Variants in YAF2 observed in about 807,000 individuals in gnomAD.
YAF2 encodes the protein YY1-associated factor 2.
A neutral mutation model predicts 20.1 loss-of-function variants in YAF2; 7 were observed. The observed-to-expected ratio is 0.35, with a 90% CI of 0.20 to 0.65. YAF2 has a LOEUF of 0.65. Ranked by LOEUF, YAF2 falls within the 30% of genes least tolerant of loss-of-function variation. The pLI, the probability that YAF2 is intolerant of heterozygous loss-of-function variation, is 0.69. For synonymous variants in YAF2, 74 were observed against 76.0 expected, an observed-to-expected ratio of 0.97 and a Z score of 0.14; for missense variants, 151 against 219.2, an observed-to-expected ratio of 0.69 and a Z score of 1.96.
Position 42,169,461 on chromosome 12 carries a change from T to G in YAF2, c.153-7696A>C, listed in dbSNP as rs145752353. 5.8e-3 allele frequency among the ~76,000 whole-genome samples: 876 copies of G among 152,278 alleles called. 31 individuals are homozygous for G. The East Asian group carries it at 0.078, about 14-fold the overall frequency. On this transcript the variant is annotated intron_variant, in intron 2 of 3. Transcript: ENST00000534854. Reference sequence around the variant, plus strand: ...GACATAGTCTCACTGTCCCCCAGGCTGGAGTGCATTGGCACAATCTCAGCT... The same window carrying G: ...GACATAGTCTCACTGTCCCCCAGGCGGGAGTGCATTGGCACAATCTCAGCT...
At chr12:42,235,565 C>G in intron 2 of YAF2, 1 of 1,391,518 alleles carries the variant, frequency 7.2e-7, no homozygotes, top group East Asian at 2.8e-5. Context: ...GAAGAGAATT[C>G]AGAGAGAGGA....
intron 2 of YAF2, among the ~76,000 whole-genome samples, chr12:42,221,712 C>T (rs1418950106): frequency 1.3e-5 from 2 of 152,162 alleles, no homozygotes; most frequent in Non-Finnish European, 2.9e-5. Flanking sequence ...ATAGAAAAGA[C>T]CTCACCCAGC....
chr12:42,198,987 A>T, intron 2 of YAF2: 1 of 370,354 alleles, frequency 2.7e-6, no homozygotes, highest in Non-Finnish European at 4.9e-6. Context: ...AAGACTTTAC[A>T]GTGCAATTCT....
At chr12:42,232,627 T>G in intron 2 of YAF2, 1 of 985,424 alleles carries the variant, frequency 1.0e-6, no homozygotes, top group Non-Finnish European at 1.2e-6. Context: ...AAAGGACTTA[T>G]GTAGATGGTC....
chr12:42,236,513 A>G (rs1051383098), intron 2 of YAF2, among the ~76,000 whole-genome samples: 1 of 152,240 alleles, frequency 6.6e-6, no homozygotes, highest in African/African-American at 2.4e-5. Context: ...TTTTTCAGAT[A>G]AGTTACTGTC....
Position 42,159,948 on chromosome 12 carries a change from G to C in YAF2, c.*641C>G, listed in dbSNP as rs906862179. 5 of 152,324 alleles carry C rather than the reference G, an allele frequency of 3.3e-5. No individual in the cohort carries two copies. The highest frequency in any genetic ancestry group is 7.4e-5 in the Non-Finnish European group (5 of 67,956). The allele number at this position is 152,324 out of a possible 1,614,324, so 9.4% of individuals were successfully genotyped here. ...AAACATTACAATAAATGAATGTTTT[G>C]AAAAATAAGCAAACAAAAAAACCTC... On this transcript the variant is annotated 3_prime_UTR_variant, in exon 4 of 4. Transcript: ENST00000534854.
chr12:42,228,182 G>T (rs1183561594), intron 2 of YAF2, among the ~76,000 whole-genome samples: 1 of 85,722 alleles, frequency 1.2e-5, no homozygotes, highest in Non-Finnish European at 2.4e-5. Flanking sequence ...CAGCCGCCCC[G>T]TCCGGGAGGG....
intron 2 of YAF2, among the ~76,000 whole-genome samples, chr12:42,213,025 C>A (rs1428682299): frequency 6.7e-6 from 1 of 149,646 alleles, no homozygotes; most frequent in East Asian, 2.0e-4. Context: ...AATATTTTAT[C>A]CTAATGGTAT....
At chr12:42,187,836 A>G (rs1411612643) in intron 2 of YAF2, among the ~76,000 whole-genome samples, 2 of 152,220 alleles carry the variant, frequency 1.3e-5, no homozygotes, top group Non-Finnish European at 2.9e-5. Context: ...CAGAAATTAC[A>G]AAGTGGGATT....
At chr12:42,210,502 G>A (rs752277504) in intron 2 of YAF2, 93 of 1,535,866 alleles carry the variant, frequency 6.1e-5, no homozygotes, top group Non-Finnish European at 7.7e-5. Context: ...GTTTGGGGGA[G>A]GGGATTTGGG....
intron 2 of YAF2, among the ~76,000 whole-genome samples, chr12:42,176,400 G>A (rs2066194733): frequency 6.6e-6 from 1 of 151,800 alleles, no homozygotes. Context: ...GGATTACAGG[G>A]GTAAGCAACC....
rs563310695 is a variant in YAF2, at chr12:42,159,718, A to G, written c.*871T>C. On this transcript the variant is annotated 3_prime_UTR_variant, in exon 4 of 4. Transcript: ENST00000534854. ...TTTGGGACAAGAAAACAATGATAAA[A>G]CTATCATTAAGTTAAAGCTTTTCTA... The G allele has an allele frequency of 8.5e-5, 13 of 152,620 alleles. No homozygotes were observed. In the South Asian group the frequency reaches 2.5e-3, roughly 29 times the overall value. 9.5% of individuals were successfully genotyped at this position (152,620 alleles called of 1,614,324 possible). A position where few individuals can be genotyped will look rare whatever the true frequency, so the allele number is the denominator to read the frequency against.
At chr12:42,193,351 G>T (rs553868910) in intron 2 of YAF2, among the ~76,000 whole-genome samples, 1 of 151,268 alleles carries the variant, frequency 6.6e-6, no homozygotes, top group East Asian at 1.9e-4. Flanking sequence ...ATGCAATTAC[G>T]TATAGTCCAT....
chr12:42,199,501 C>T, intron 2 of YAF2: 1 of 201,130 alleles, frequency 5.0e-6, no homozygotes, highest in South Asian at 7.4e-5. Context: ...CCAAAAAATC[C>T]ACACACCTTT....
chr12:42,196,756 C>G (rs1267615440), intron 2 of YAF2, among the ~76,000 whole-genome samples: 1 of 152,090 alleles, frequency 6.6e-6, no homozygotes, highest in East Asian at 1.9e-4. Flanking sequence ...CAAGTGAAAG[C>G]TCTTGATTTT....
At chr12:42,184,304 CTTATTA>C (rs923120101) in intron 2 of YAF2, among the ~76,000 whole-genome samples, 1 of 151,950 alleles carries the variant, frequency 6.6e-6, no homozygotes, top group African/African-American at 2.4e-5. Flanking sequence ...ACTTTAAAGA[CTTATTA>C]TTATTATTAC....
At chr12:42,223,126 AAT>A (rs1367494693) in intron 2 of YAF2, among the ~76,000 whole-genome samples, 1 of 152,096 alleles carries the variant, frequency 6.6e-6, no homozygotes, top group Non-Finnish European at 1.5e-5. Context: ...TCACAGAATT[AAT>A]ATTAGAGCCC....
chr12:42,233,130 G>A (rs2068032370), intron 2 of YAF2: 1 of 985,330 alleles, frequency 1.0e-6, no homozygotes, highest in African/African-American at 1.7e-5. Flanking sequence ...TATGAAATGA[G>A]ATATGAACCC....
At chr12:42,176,148 A>C (rs1044066268) in intron 2 of YAF2, among the ~76,000 whole-genome samples, 2 of 151,052 alleles carry the variant, frequency 1.3e-5, no homozygotes, top group Non-Finnish European at 2.9e-5. Context: ...CAGGAGGCTG[A>C]GGCAGGAGAA....
Sources: allele counts gnomAD v4.1 joint callset (sites outside exome capture counted in the v4.1 genomes callset), GRCh38; gene constraint gnomAD v4.1.1; transcripts MANE v1.5; gene names NCBI Gene and HGNC (gene_info 2026-07-23, HGNC 2026-07-21).